Variants in VRK2 observed in about 807,000 individuals in gnomAD.
The protein encoded by VRK2 is serine/threonine-protein kinase VRK2.
In VRK2, 60 loss-of-function variants were observed where a neutral mutation model predicts 57.6. That is an observed-to-expected ratio of 1.04 (90% CI 0.85 to 1.29). VRK2 has a LOEUF of 1.29. VRK2 is among the 50% of genes most tolerant of loss of function. The pLI is 0.00. For synonymous variants in VRK2, 231 were observed against 199.2 expected, an observed-to-expected ratio of 1.16 and a Z score of -1.35; for missense variants, 705 against 588.1, an observed-to-expected ratio of 1.20 and a Z score of -2.06.
intron 1 of VRK2, among the ~76,000 whole-genome samples, chr2:57,914,992 G>T (rs943061858): frequency 2.0e-5 from 3 of 152,012 alleles, no homozygotes; most frequent in Non-Finnish European, 1.5e-5. Context: ...TTGATTTCAA[G>T]ATCCTCACAC....
intron 2 of VRK2, among the ~76,000 whole-genome samples, chr2:58,030,846 C>G (rs565011304): frequency 6.6e-6 from 1 of 152,064 alleles, no homozygotes; most frequent in African/African-American, 2.4e-5. Context: ...AATGCAACTT[C>G]TGTCGTGTTC....
At chr2:58,094,290 T>C (rs542985239) in intron 7 of VRK2, among the ~76,000 whole-genome samples, 7 of 152,332 alleles carry the variant, frequency 4.6e-5, no homozygotes, top group East Asian at 1.9e-4. Context: ...ATTCTTCCTA[T>C]CCATGAGCAT....
chr2:57,914,844 A>C (rs971253574), intron 1 of VRK2, among the ~76,000 whole-genome samples: 3 of 152,166 alleles, frequency 2.0e-5, no homozygotes, highest in African/African-American at 7.2e-5. Flanking sequence ...TAGCAAACCC[A>C]GGAACAGAGT....
At chr2:58,023,148 A>G (rs1572793259) in intron 1 of VRK2, among the ~76,000 whole-genome samples, 1 of 152,260 alleles carries the variant, frequency 6.6e-6, no homozygotes, top group Non-Finnish European at 1.5e-5. Flanking sequence ...TCCCTTCCTC[A>G]CATACTCTGG....
rs545844220 is a variant in VRK2, at chr2:58,040,414, G to A, written c.-6+6861G>A. Among the ~76,000 whole-genome samples the A allele has an allele frequency of 6.6e-5, 10 of 152,286 alleles. No homozygotes were observed. In the East Asian group the frequency reaches 1.4e-3, roughly 21 times the overall value. ...TATAACATAATATCTTTCACTTGTC[G>A]TGTCCACTAGCTCCCAACTGCATGC... is the stretch of plus-strand genomic sequence containing the variant. On this transcript the variant is annotated intron_variant, in intron 3 of 15. Coordinates refer to the VRK2 transcript ENST00000417641.
At chr2:58,132,089 A>G in intron 9 of VRK2, 161 bp downstream of exon 9, 1 of 785,526 alleles carries the variant, frequency 1.3e-6, no homozygotes, top group Non-Finnish European at 1.9e-6. Flanking sequence ...AACAACTAAC[A>G]CATAAAATCC....
At chr2:57,915,012 A>G (rs1402709094) in intron 1 of VRK2, among the ~76,000 whole-genome samples, 1 of 152,154 alleles carries the variant, frequency 6.6e-6, no homozygotes, top group African/African-American at 2.4e-5. Flanking sequence ...CAAAAAATAC[A>G]AGTTTACAGA....
At chr2:57,923,608 T>C (rs1670430267) in intron 1 of VRK2, among the ~76,000 whole-genome samples, 1 of 152,028 alleles carries the variant, frequency 6.6e-6, no homozygotes, top group African/African-American at 2.4e-5. Context: ...TTGTTTGAAC[T>C]TCTTATATAT....
intron 7 of VRK2, among the ~76,000 whole-genome samples, chr2:58,093,400 T>A (rs1049896754): frequency 2.4e-4 from 36 of 152,266 alleles, no homozygotes; most frequent in African/African-American, 8.4e-4. Flanking sequence ...TGATTTGCAT[T>A]TCTCTGATGG....
Position 58,146,368 on chromosome 2 carries a change from T to A in VRK2, c.1076T>A (p.Leu359Ter). The A allele has an allele frequency of 6.2e-7, 1 of 1,611,482 alleles. No individual in the cohort carries two copies. Residue 359 changes from leucine (L) to a stop codon, truncating the protein, a stop_gained, in exon 12 of 13, where the codon TTA (leucine) becomes TAA (stop). Transcript: ENST00000340157. LOFTEE classifies it high-confidence loss of function. ...CAAGTCAACAAGGCACACAATAGGT[T>A]AATCGAAAAAAAAGTCCACAGTGAG... ...TKQVNKAHNRLIEKKVHSERS... is the reference protein window; with the variant it reads ...TKQVNKAHNR
intron 8 of VRK2, among the ~76,000 whole-genome samples, chr2:58,131,113 C>T (rs1679133420): frequency 6.6e-6 from 1 of 152,072 alleles, no homozygotes; most frequent in South Asian, 2.1e-4. Flanking sequence ...GCTCTCCCCC[C>T]AGCCTCTGAT....
At chr2:58,112,206 G>C (rs1048888373) in intron 7 of VRK2, among the ~76,000 whole-genome samples, 6 of 152,192 alleles carry the variant, frequency 3.9e-5, no homozygotes, top group Admixed American at 6.5e-5. Flanking sequence ...ACTTGGGCAA[G>C]TTATTTAACT....
intron 12 of VRK2, among the ~76,000 whole-genome samples, chr2:58,152,710 G>C (rs2104696640): frequency 6.6e-6 from 1 of 151,620 alleles, no homozygotes; most frequent in Middle Eastern, 3.4e-3. Flanking sequence ...TTTTGTAGTG[G>C]TGGATTTATA....
chr2:57,967,586 C>A (rs984637839), intron 1 of VRK2, among the ~76,000 whole-genome samples: 10 of 152,074 alleles, frequency 6.6e-5, no homozygotes, highest in African/African-American at 2.4e-4. Flanking sequence ...AAACAAAAAT[C>A]TTGCGTGAGG....
intron 1 of VRK2, among the ~76,000 whole-genome samples, chr2:57,938,052 G>A (rs531692455): frequency 5.9e-5 from 9 of 151,848 alleles, no homozygotes; most frequent in South Asian, 4.1e-4. Context: ...GGCTGATTTC[G>A]AACTCCTGTC....
At position 58,117,417 on chromosome 2, in the gene VRK2, C is replaced by T. The variant is rs553070153; in HGVS notation, c.544-5684C>T. 2.3e-4 allele frequency among the ~76,000 whole-genome samples: 35 copies of T among 151,990 alleles called. No homozygotes were observed. In the South Asian group the frequency reaches 5.8e-3, roughly 25 times the overall value. ...ATAAAAAGATTACAGGGTGGAGGAG[C>T]AGAGGCTGAGGAAGAATTGGGACCT... On this transcript the variant is annotated intron_variant, in intron 7 of 12. Transcript: ENST00000340157.
chr2:57,930,968 CTGAG>C (rs1670703410), intron 1 of VRK2, among the ~76,000 whole-genome samples: 1 of 151,940 alleles, frequency 6.6e-6, no homozygotes, highest in Admixed American at 6.6e-5. Flanking sequence ...TATACATGTA[CTGAG>C]TATTTTTATT....
At chr2:57,921,874 C>A (rs143516517) in intron 1 of VRK2, among the ~76,000 whole-genome samples, 1 of 152,036 alleles carries the variant, frequency 6.6e-6, no homozygotes, top group East Asian at 1.9e-4. Flanking sequence ...TTGTTTCTTT[C>A]GCTTCAAGTC....
intron 3 of VRK2, among the ~76,000 whole-genome samples, chr2:58,039,698 T>C (rs751799007): frequency 5.9e-5 from 9 of 152,034 alleles, no homozygotes; most frequent in Non-Finnish European, 1.2e-4. Context: ...AATAAAAATA[T>C]TATATACACA....
Sources: allele counts gnomAD v4.1 joint callset (sites outside exome capture counted in the v4.1 genomes callset), GRCh38; gene constraint gnomAD v4.1.1; transcripts MANE v1.5; gene names NCBI Gene and HGNC (gene_info 2026-07-23, HGNC 2026-07-21).